HIVEP2: variants seen among roughly 807,000 people sequenced by gnomAD.
HIVEP2 encodes transcription factor HIVEP2.
HIVEP2 carries 14 observed loss-of-function variants against 180.7 expected under a neutral mutation model. The observed-to-expected ratio is 0.08, with a 90% CI of 0.05 to 0.12. The LOEUF (loss-of-function observed/expected upper bound fraction) is 0.12, where lower values mean the gene tolerates loss of function less well. HIVEP2 is among the 10% of genes least tolerant of loss of function. The probability of loss-of-function intolerance (pLI) is 1.00; values close to 1 mark genes in which losing one functional copy is unlikely to be tolerated. For synonymous variants in HIVEP2, 1,184 were observed against 1,136.4 expected (o/e 1.04, Z -0.84); for missense variants, 2,579 against 3,008.5 (o/e 0.86, Z 3.34).
chr6:142,772,945 C>T lies in HIVEP2; in HGVS notation c.1794G>A (p.Leu598=). 1 of 1,614,204 alleles carries T rather than the reference C, an allele frequency of 6.2e-7. No individual in the cohort carries two copies. Reference sequence around the variant, plus strand: ...CCACGTGGCCCTCCTGTACCGAAGGCAGCTCAAATGCCGCTTGTCTTCTTA... The same window carrying T: ...CCACGTGGCCCTCCTGTACCGAAGGTAGCTCAAATGCCGCTTGTCTTCTTA... ...RMLRRQAAFE[L]PSVQEGHVEV... The change falls in exon 5 of 10, where the codon CTG becomes CTA. Residue 598 remains leucine (L), a synonymous_variant. Coordinates refer to ENST00000367603, the MANE Select transcript of HIVEP2 (RefSeq NM_006734.4). The surrounding 1 kb of genome is among the most constrained non-coding windows in gnomAD (Gnocchi z 4.9).
intron 2 of HIVEP2, among the ~76,000 whole-genome samples, chr6:142,802,792 A>G (rs1206115777): frequency 3.3e-5 from 5 of 152,128 alleles, no homozygotes; most frequent in Non-Finnish European, 7.4e-5. Context: ...AAGAAAAGAT[A>G]AAAATAATGT....
chr6:142,931,983 C>T (rs1249428760), intron 1 of HIVEP2, among the ~76,000 whole-genome samples: 1 of 152,200 alleles, frequency 6.6e-6, no homozygotes, highest in African/African-American at 2.4e-5. Flanking sequence ...TTGACACTTT[C>T]CCATATTGGT....
intron 2 of HIVEP2, among the ~76,000 whole-genome samples, chr6:142,785,062 G>T (rs1410705536): frequency 6.6e-6 from 1 of 151,542 alleles, no homozygotes; most frequent in Non-Finnish European, 1.5e-5. Context: ...TAATTTTTTT[G>T]CATTTTTAGT....
At position 142,773,672 on chromosome 6, in the gene HIVEP2, T is replaced by A. The variant is rs764394943; in HGVS notation, c.1067A>T (p.Asn356Ile). 1.5e-5 allele frequency: 25 copies of A among 1,614,064 alleles called. No homozygotes were observed. In the Admixed American group the frequency reaches 2.8e-4, roughly 18 times the overall value. ...TGTGTGCGAATCATCAGCCTTAGTA[T>A]TTAAAGATGGATTTGGTAGCATATC... ...GPDMLPNPSL[N>I]TKADDSHTVK... is the part of the protein sequence containing the mutation. The change falls in exon 5 of 10, where the codon AAT (asparagine) becomes ATT (isoleucine). Residue 356 changes from asparagine to isoleucine, a missense_variant. By Grantham distance (149) the Asn-to-Ile change is moderately radical. This residue lies in a region of HIVEP2 where 47 missense variants were observed against 92.5 expected (regional missense o/e 0.51). Transcript: ENST00000367603.
chr6:142,876,790 A>G (rs1307330326), intron 1 of HIVEP2, among the ~76,000 whole-genome samples: 8 of 152,194 alleles, frequency 5.3e-5, no homozygotes, highest in Admixed American at 3.9e-4. Context: ...TGGGAGGCCG[A>G]GGGAGGTGGG....
chr6:142,807,807 T>G (rs1322544419), intron 2 of HIVEP2, among the ~76,000 whole-genome samples: 2 of 152,154 alleles, frequency 1.3e-5, no homozygotes, highest in Non-Finnish European at 2.9e-5. Context: ...GGCAGAAAGC[T>G]GCCATAAAGA....
intron 2 of HIVEP2, among the ~76,000 whole-genome samples, chr6:142,801,540 C>A (rs562119572): frequency 6.6e-6 from 1 of 151,938 alleles, no homozygotes; most frequent in Non-Finnish European, 1.5e-5. Context: ...TAAGCGAATT[C>A]TCTTTTACTC....
chr6:142,798,775 T>A (rs1250816849), intron 2 of HIVEP2, among the ~76,000 whole-genome samples: 1 of 152,180 alleles, frequency 6.6e-6, no homozygotes, highest in Non-Finnish European at 1.5e-5. Flanking sequence ...CTTGGTTATA[T>A]AACTAATTCT....
At chr6:142,889,753 G>A (rs1776807910) in intron 1 of HIVEP2, among the ~76,000 whole-genome samples, 1 of 152,164 alleles carries the variant, frequency 6.6e-6, no homozygotes. Flanking sequence ...GATTTCTGCT[G>A]TGCAATTATA....
At chr6:142,754,960 C>T (rs1036896722) in intron 9 of HIVEP2, among the ~76,000 whole-genome samples, 1 of 152,130 alleles carries the variant, frequency 6.6e-6, no homozygotes, top group Non-Finnish European at 1.5e-5. Flanking sequence ...GGATTGTCAT[C>T]TAAAAAGGAC....
chr6:142,790,672 T>C (rs1398570571), intron 2 of HIVEP2, among the ~76,000 whole-genome samples: 1 of 152,160 alleles, frequency 6.6e-6, no homozygotes, highest in Non-Finnish European at 1.5e-5. Flanking sequence ...AAGACTAGCA[T>C]AAAGAAAGGC....
chr6:142,772,447 T>G lies in HIVEP2; in HGVS notation c.2292A>C (p.Gln764His). 1 of 1,614,166 alleles carries G rather than the reference T, an allele frequency of 6.2e-7. No individual in the cohort carries two copies. The highest frequency in any genetic ancestry group is 8.5e-7 in the Non-Finnish European group (1 of 1,180,036). The change falls in exon 5 of 10, where the codon CAA becomes CAC. Residue 764 changes from glutamine to histidine, a missense_variant. By Grantham distance (24) the Gln-to-His change is conservative (BLOSUM62 0). Coordinates refer to ENST00000367603, the MANE Select transcript of HIVEP2 (RefSeq NM_006734.4). The surrounding 1 kb of genome is among the most constrained non-coding windows in gnomAD (Gnocchi z 4.9). ...HTERFDPCRP[Q>H]LQPGSPSLVS... ...CAAGAGATGGACTTCCAGGCTGCAG[T>G]TGGGGCCGACATGGGTCAAAGCGTT...
At chr6:142,796,213 A>T (rs1365663500) in intron 2 of HIVEP2, among the ~76,000 whole-genome samples, 4 of 152,130 alleles carry the variant, frequency 2.6e-5, no homozygotes, top group Non-Finnish European at 5.9e-5. Context: ...TCCTATCAGC[A>T]TAGTAAACAG....
chr6:142,828,827 C>T (rs147056691), intron 2 of HIVEP2, among the ~76,000 whole-genome samples: 2,666 of 152,286 alleles, frequency 0.018, 45 homozygotes, highest in Non-Finnish European at 0.03. Flanking sequence ...TTGCACATGG[C>T]TGGCTTTCCA....
intron 1 of HIVEP2, among the ~76,000 whole-genome samples, chr6:142,942,342 A>G (rs1778199845): frequency 6.6e-6 from 1 of 152,142 alleles, no homozygotes; most frequent in Non-Finnish European, 1.5e-5. Flanking sequence ...TTCATTTTAA[A>G]TTAAATCAGC....
chr6:142,917,428 G>A (rs1452600282), intron 1 of HIVEP2, among the ~76,000 whole-genome samples: 2 of 152,206 alleles, frequency 1.3e-5, no homozygotes, highest in Non-Finnish European at 2.9e-5. Flanking sequence ...TGACATCCAC[G>A]TGACACTACA....
intron 1 of HIVEP2, among the ~76,000 whole-genome samples, chr6:142,860,061 A>G (rs1264116241): frequency 6.6e-6 from 1 of 152,040 alleles, no homozygotes; most frequent in East Asian, 1.9e-4. Context: ...TTCTCCTCTT[A>G]AAGGAAAGAC....
chr6:142,939,134 G>A (rs1778117410), intron 1 of HIVEP2, among the ~76,000 whole-genome samples: 1 of 151,922 alleles, frequency 6.6e-6, no homozygotes, highest in African/African-American at 2.4e-5. Flanking sequence ...TACTTAAAAT[G>A]TTCAAATTGA....
intron 2 of HIVEP2, among the ~76,000 whole-genome samples, chr6:142,803,335 G>T (rs1025616376): frequency 1.3e-5 from 2 of 151,980 alleles, no homozygotes; most frequent in African/African-American, 4.8e-5. Context: ...TATTTTTTCT[G>T]ACTATATTTT....
Sources: gnomAD v4.1 joint callset for allele counts (sites outside exome capture counted in the v4.1 genomes callset) on GRCh38, gnomAD v4.1.1 for gene constraint, gnomAD v4.1.1 regional missense constraint, Gnocchi (gnomAD v3.1) non-coding constraint, MANE v1.5 for transcripts, NCBI Gene and HGNC (gene_info 2026-07-23, HGNC 2026-07-21) for gene names.